CSNK1E: variants seen among roughly 807,000 people sequenced by gnomAD.
The protein encoded by CSNK1E is casein kinase I isoform epsilon.
A neutral mutation model predicts 46.1 loss-of-function variants in CSNK1E; 17 were observed. That is an observed-to-expected ratio of 0.37 (90% confidence interval 0.25 to 0.55). The LOEUF is 0.55. CSNK1E is among the 20% of genes least tolerant of loss of function. The probability of loss-of-function intolerance (pLI) is 0.82; values close to 1 mark genes in which losing one functional copy is unlikely to be tolerated. For synonymous variants in CSNK1E, 241 were observed against 242.6 expected, an observed-to-expected ratio of 0.99 and a Z score of 0.06; for missense variants, 386 against 595.4, an observed-to-expected ratio of 0.65 and a Z score of 3.66.
At chr22:38,317,112 C>A (rs1338709929) in intron 1 of CSNK1E, 48 bp downstream of exon 1, 1 of 151,612 alleles carries the variant, frequency 6.6e-6, no homozygotes, top group Non-Finnish European at 1.5e-5. Context: ...AGCCCGATTC[C>A]CCCCAGGTTT....
chr22:38,296,532 C>A, intron 7 of CSNK1E: 1 of 1,605,466 alleles, frequency 6.2e-7, no homozygotes, highest in South Asian at 1.1e-5. Context: ...GGAGGTGGTT[C>A]AGCTCACTAC....
intron 2 of CSNK1E, among the ~76,000 whole-genome samples, chr22:38,304,526 G>C (rs978107165): frequency 9.9e-5 from 15 of 152,270 alleles, no homozygotes; most frequent in Middle Eastern, 3.4e-3. Flanking sequence ...TGTGCACCAG[G>C]GGGACAGGAC....
At chr22:38,316,600 CA>C (rs1267178776) in intron 1 of CSNK1E, 4 of 152,288 alleles carry the variant, frequency 2.6e-5, no homozygotes, top group Middle Eastern at 3.2e-3. Flanking sequence ...AAATAACCCC[CA>C]CCCCTTTCTT....
rs1335850242 is a variant in CSNK1E, at chr22:38,291,037, G to C, written c.*934C>G. The C allele has an allele frequency of 1.3e-5, 2 of 152,308 alleles. No individual in the cohort carries two copies. The highest frequency in any genetic ancestry group is 2.9e-5 in the Non-Finnish European group (2 of 68,044). 9.4% of individuals were successfully genotyped at this position (152,308 alleles called of 1,614,324 possible). A position where few individuals can be genotyped will look rare whatever the true frequency, so the allele number is the denominator to read the frequency against. On this transcript the variant is annotated 3_prime_UTR_variant, in exon 11 of 11. Coordinates refer to ENST00000396832, the MANE Select transcript of CSNK1E (RefSeq NM_152221.3). ...CCTCAGAAAGGTGGAACCAGGGAGA[G>C]GGGGGACCCCAGGTGACTGTCAGGA...
intron 2 of CSNK1E, among the ~76,000 whole-genome samples, chr22:38,307,215 A>G (rs2092702309): frequency 1.3e-5 from 2 of 152,142 alleles, no homozygotes; most frequent in Admixed American, 6.5e-5. Context: ...ATACAGTACA[A>G]TAACTATTTA....
intron 2 of CSNK1E, among the ~76,000 whole-genome samples, chr22:38,305,121 CAAAAAA>C (rs33987200): frequency 1.1e-4 from 6 of 52,846 alleles, no homozygotes; most frequent in East Asian, 6.0e-4. Context: ...AACTCCAGCT[CAAAAAA>C]AAAAAAAAAA....
At chr22:38,312,113 T>C (rs135761) in intron 2 of CSNK1E, among the ~76,000 whole-genome samples, 98,298 of 152,002 alleles carry the variant, frequency 0.65, 33,783 homozygotes, top group East Asian at 0.81. Context: ...CTCCTTTTTT[T>C]TGAGACATGG....
chr22:38,311,627 G>A (rs140146516), intron 2 of CSNK1E, among the ~76,000 whole-genome samples: 114 of 152,228 alleles, frequency 7.5e-4, no homozygotes, highest in South Asian at 2.1e-3. Flanking sequence ...TCAATAATAC[G>A]AGGGTCCTTT....
intron 1 of CSNK1E, among the ~76,000 whole-genome samples, chr22:38,314,804 C>T (rs1224895338): frequency 2.6e-5 from 4 of 152,166 alleles, no homozygotes; most frequent in South Asian, 2.1e-4. Context: ...CCGCCTGCCC[C>T]GGATGGGTGG....
chr22:38,314,022 T>C, intron 2 of CSNK1E, 60 bp downstream of exon 2: 1 of 1,466,838 alleles, frequency 6.8e-7, no homozygotes, highest in Non-Finnish European at 9.5e-7. Context: ...CTGGGGTCTT[T>C]CCTCCTCTTG....
rs1006444054 is a variant in CSNK1E at position 38,300,501 on chromosome 22, G to A, written c.565+223C>T. On this transcript the variant is annotated intron_variant, in intron 5 of 10. Transcript: ENST00000396832. This position sits in a 1 kb window ranked among gnomAD's most constrained non-coding sequence, Gnocchi z 4.4. Reference sequence around the variant, plus strand: ...CCAACAGGGCGGAGGAGGAAGCAGGGCCAGGGAAGGCGCCCGGCACACACA... The same window carrying A: ...CCAACAGGGCGGAGGAGGAAGCAGGACCAGGGAAGGCGCCCGGCACACACA... Among the ~76,000 whole-genome samples the A allele has an allele frequency of 3.3e-5, 5 of 152,258 alleles. No homozygotes were observed. The highest frequency in any genetic ancestry group is 7.3e-5 in the Non-Finnish European group (5 of 68,052).
rs754385642 is a variant in CSNK1E, at chr22:38,299,854, C to T, written c.736+41G>A. ...CTCACCTTTCCCTTAGACAGTGCCT[C>T]AGGGGCCCCCAGGCATGTCCCCTCC... is the stretch of plus-strand genomic sequence containing the variant. On this transcript the variant is annotated intron_variant, in intron 6 of 10. Transcript: ENST00000396832. 7 of 1,599,286 alleles carry T rather than the reference C, an allele frequency of 4.4e-6. No individual in the cohort carries two copies. In the Admixed American group the frequency reaches 1.2e-4, roughly 27 times the overall value.
chr22:38,316,001 C>T (rs1322019274), intron 1 of CSNK1E, among the ~76,000 whole-genome samples: 1 of 152,076 alleles, frequency 6.6e-6, no homozygotes, highest in African/African-American at 2.4e-5. Flanking sequence ...GGAGCCTAGA[C>T]TGTCCCGGCA....
intron 1 of CSNK1E, among the ~76,000 whole-genome samples, chr22:38,316,228 A>G (rs550756897): frequency 6.6e-6 from 1 of 152,320 alleles, no homozygotes; most frequent in Non-Finnish European, 1.5e-5. Flanking sequence ...TTACTCCCCG[A>G]ACACCATCGC....
intron 1 of CSNK1E, among the ~76,000 whole-genome samples, chr22:38,315,513 C>G (rs1331207410): frequency 6.6e-6 from 1 of 152,178 alleles, no homozygotes; most frequent in Non-Finnish European, 1.5e-5. Flanking sequence ...GGAACACAGT[C>G]CACGTTTGCA....
At chr22:38,295,944 T>G (rs2092638268) in intron 7 of CSNK1E, among the ~76,000 whole-genome samples, 2 of 152,268 alleles carry the variant, frequency 1.3e-5, no homozygotes, top group Non-Finnish European at 1.5e-5. Context: ...ACACGAGCTG[T>G]GGCACCTCCG....
intron 1 of CSNK1E, among the ~76,000 whole-genome samples, chr22:38,314,455 C>T (rs1413745653): frequency 6.6e-6 from 1 of 152,202 alleles, no homozygotes; most frequent in Admixed American, 6.5e-5. Context: ...CAAGGGATCA[C>T]AACGGGCATC....
At position 38,298,878 on chromosome 22, in the gene CSNK1E, C is replaced by T; in HGVS notation, c.793G>A (p.Asp265Asn). 2.5e-6 allele frequency: 4 copies of T among 1,614,114 alleles called. No homozygotes were observed. The highest frequency in any genetic ancestry group is 3.4e-6 in the Non-Finnish European group (4 of 1,180,006). Residue 265 changes from aspartate to asparagine, a missense_variant, in exon 7 of 11, where the codon GAC becomes AAC. Around this residue, in one of 2 missense-constraint regions of CSNK1E, gnomAD observed 212 missense variants for 410.2 expected, o/e 0.52. Coordinates refer to ENST00000396832, the MANE Select transcript of CSNK1E (RefSeq NM_152221.3). The surrounding 1 kb of genome is among the most constrained non-coding windows in gnomAD (Gnocchi z 4.2). ...CRSLRFDDKP[D>N]YSYLRQLFRN... is the part of the protein sequence containing the mutation. ...AAGAGCTGACGTAGGTAAGAGTAGTCGGGCTTGTCGTCAAACCGCAGGGAG... is the reference window on the plus strand; with the variant it reads ...AAGAGCTGACGTAGGTAAGAGTAGTTGGGCTTGTCGTCAAACCGCAGGGAG...
At chr22:38,307,032 G>C (rs1046631395) in intron 2 of CSNK1E, among the ~76,000 whole-genome samples, 1 of 152,046 alleles carries the variant, frequency 6.6e-6, no homozygotes, top group South Asian at 2.1e-4. Flanking sequence ...TTAGCCAGGC[G>C]TGGTAGCACG....
Sources: gnomAD v4.1 joint callset for allele counts (sites outside exome capture counted in the v4.1 genomes callset) on GRCh38, gnomAD v4.1.1 for gene constraint, gnomAD v4.1.1 regional missense constraint, Gnocchi (gnomAD v3.1) non-coding constraint, MANE v1.5 for transcripts, NCBI Gene and HGNC (gene_info 2026-07-23, HGNC 2026-07-21) for gene names.